C1orf116: variants seen among roughly 807,000 people sequenced by gnomAD.
C1orf116 encodes the protein chromosome 1 open reading frame 116.
A neutral mutation model predicts 14.1 loss-of-function variants in C1orf116; 12 were observed. The ratio of observed to expected loss-of-function variants is 0.85; its 90% CI spans 0.54 to 1.38. The LOEUF is 1.38. Ranked by LOEUF, C1orf116 falls within the 40% of genes most tolerant of loss-of-function variation. The probability of loss-of-function intolerance (pLI) is 0.00; values close to 1 mark genes in which losing one functional copy is unlikely to be tolerated. For synonymous variants in C1orf116, 296 were observed against 299.0 expected, an observed-to-expected ratio of 0.99 and a Z score of 0.10; for missense variants, 797 against 747.0, an observed-to-expected ratio of 1.07 and a Z score of -0.78.
Position 207,022,805 on chromosome 1 carries a change from T to G in C1orf116, c.959A>C (p.His320Pro), listed in dbSNP as rs752536090. ...AGCCTCAGTGTGGCGGGACAGCCAG[T>G]GCTGGGGGTCACTGTGGAAACTGCT... is the stretch of plus-strand genomic sequence containing the variant. ...SRSSFHSDPQ[H>P]WLSRHTEAAP... The change falls in exon 4 of 4, where the codon CAC becomes CCC. Residue 320 changes from histidine to proline, a missense_variant. Transcript: ENST00000359470. The G allele has an allele frequency of 1.4e-5, 22 of 1,613,834 alleles. No homozygotes were observed. Among genetic ancestry groups the G allele is most frequent in the South Asian group, 3.3e-5 (3 of 91,080 alleles).
chr1:207,027,288 T>G (rs1682107999), intron 2 of C1orf116, among the ~76,000 whole-genome samples: 1 of 152,194 alleles, frequency 6.6e-6, no homozygotes, highest in Non-Finnish European at 1.5e-5. Flanking sequence ...TTTGCCCAGT[T>G]GCTCTCTAAG....
At chr1:207,028,966 T>C (rs919244279) in intron 1 of C1orf116, among the ~76,000 whole-genome samples, 4 of 152,214 alleles carry the variant, frequency 2.6e-5, no homozygotes, top group Non-Finnish European at 5.9e-5. Flanking sequence ...CTAGGTAAAA[T>C]GTCCTAGAAG....
Position 207,021,916 on chromosome 1 carries a change from CT to C in C1orf116, c.*41del. ...AGGCTCCCAAGTGGAGCATGTGTCT[CT>C]TCTTGTTCAGCCAGGACAGGGTCTG... On this transcript the variant is annotated 3_prime_UTR_variant, in exon 4 of 4. Coordinates refer to ENST00000359470, the MANE Select transcript of C1orf116 (RefSeq NM_023938.6). 6.8e-7 allele frequency: 1 copy of C among 1,478,090 alleles called. No individual in the cohort carries two copies. The highest frequency in any genetic ancestry group is 9.0e-7 in the Non-Finnish European group (1 of 1,112,980). 91.6% of individuals were successfully genotyped at this position (1,478,090 alleles called of 1,614,324 possible).
At chr1:207,031,473 C>A (rs1682242903) in intron 1 of C1orf116, among the ~76,000 whole-genome samples, 1 of 152,178 alleles carries the variant, frequency 6.6e-6, no homozygotes. Flanking sequence ...GTTGCCAGGA[C>A]TGGAAAACCC....
In C1orf116 at chr1:207,021,964, C is replaced by T. The variant is rs575668369; in HGVS notation, c.1800G>A (p.Lys600=). ...TCTGTACTGGTCGCAGAGTCTACTC[C>T]TTCAACAGTCCCAGCTTCTTCAGGG... ...REALKKLGLL[K]E The change falls in exon 4 of 4, where the codon AAG becomes AAA. Residue 600 remains lysine (K), a synonymous_variant. Coordinates refer to ENST00000359470, the MANE Select transcript of C1orf116 (RefSeq NM_023938.6). 88 of 1,525,006 alleles carry T rather than the reference C, an allele frequency of 5.8e-5. 3 individuals carry two copies. In the South Asian group the frequency reaches 9.3e-4, roughly 16 times the overall value. 94.5% of individuals were successfully genotyped at this position (1,525,006 alleles called of 1,614,324 possible).
In C1orf116 at chr1:207,019,761, A is replaced by T. The variant is rs914185064; in HGVS notation, c.*2197T>A. ...AGGGAAGGGAGTCTCAGATTAAGAA[A>T]ACTGGAGAAATGGGCATGTCAGTAG... On this transcript the variant is annotated 3_prime_UTR_variant, in exon 4 of 4. Transcript: ENST00000359470. 1 of 152,240 alleles carries T rather than the reference A, an allele frequency of 6.6e-6. No homozygotes were observed. The highest frequency in any genetic ancestry group is 1.5e-5 in the Non-Finnish European group (1 of 68,048). 9.4% of individuals were successfully genotyped at this position (152,240 alleles called of 1,614,324 possible).
At chr1:207,031,112 C>T (rs1434089829) in intron 1 of C1orf116, among the ~76,000 whole-genome samples, 1 of 152,168 alleles carries the variant, frequency 6.6e-6, no homozygotes, top group African/African-American at 2.4e-5. Context: ...AAAGAGGTTT[C>T]CTGTCTTTCA....
rs762985251 is a variant in C1orf116 at position 207,023,110 on chromosome 1, G to A, written c.654C>T (p.Pro218=). 76 of 1,612,530 alleles carry A rather than the reference G, an allele frequency of 4.7e-5. 1 individual carries two copies. The East Asian group carries it at 7.1e-4, about 15-fold the overall frequency. ...QPEQCREASL[P]EGPGQQGHTP... ...TGTGGCCCTGCTGTCCTGGCCCCTC[G>A]GGCAGGCTGGCTTCCCTACACTGCT... The change falls in exon 4 of 4, where the codon CCC becomes CCT. Residue 218 remains proline (P), a synonymous_variant. Transcript: ENST00000359470.
rs1337191016 is a variant in C1orf116, at chr1:207,023,277, TC to T, written c.486del (p.Arg163GlyfsTer128). ...QASSHNPGEPGRLAPEPEKEQ... is the reference protein window; with the variant it reads ...QASSHNPGEPXRLAPEPEKEQ... ...TCTTTCTCAGGCTCTGGCGCAAGCC[TC>T]CCCGGTTCTCCAGGGTTGTGACTGC... On this transcript the variant is annotated frameshift_variant, in exon 4 of 4. Transcript: ENST00000359470. LOFTEE classifies it low-confidence loss of function (END_TRUNC). 1 of 1,614,046 alleles carries T rather than the reference TC, an allele frequency of 6.2e-7. No homozygotes were observed. Among genetic ancestry groups the T allele is most frequent in the African/African-American group, 1.3e-5 (1 of 75,064 alleles).
intron 1 of C1orf116, 143 bp from the exon 2 acceptor site, chr1:207,027,822 G>A: frequency 1.1e-6 from 1 of 952,178 alleles, no homozygotes; most frequent in Non-Finnish European, 1.5e-6. Context: ...GACACCCCCG[G>A]CCTGCATGGA....
At chr1:207,023,703 G>T (rs141454288) in intron 3 of C1orf116, among the ~76,000 whole-genome samples, 1 of 152,294 alleles carries the variant, frequency 6.6e-6, no homozygotes, top group South Asian at 2.1e-4. Context: ...AGGGCCAGGC[G>T]CAGTGTCTCA....
rs528954075 is a variant in C1orf116 at position 207,030,853 on chromosome 1, C to T, written c.-82+1726G>A. Among the ~76,000 whole-genome samples, 87 of 152,280 alleles carry T rather than the reference C, an allele frequency of 5.7e-4. 3 individuals are homozygous for T. In the South Asian group the frequency reaches 0.018, roughly 32 times the overall value. On this transcript the variant is annotated intron_variant, in intron 1 of 3. Transcript: ENST00000359470. The stretch of plus-strand genomic sequence containing the variant: ...ATGCAGCACCTATAGTCAGGGCCAC[C>T]CATCCAAAGACACATTAAATATTAA...
rs560778974 is a variant in C1orf116 at position 207,028,643 on chromosome 1, T to C, written c.-81-964A>G. Among the ~76,000 whole-genome samples, 5 of 152,210 alleles carry C rather than the reference T, an allele frequency of 3.3e-5. No homozygotes were observed. In the East Asian group the frequency reaches 9.6e-4, roughly 29 times the overall value. ...TAGCTTCCTCCCAACTCTAATTCCT[T>C]AGGGAAAAAAAGTTTCAATGTCATT... On this transcript the variant is annotated intron_variant, in intron 1 of 3. Transcript: ENST00000359470.
Position 207,022,136 on chromosome 1 carries a change from T to G in C1orf116, c.1628A>C (p.Gln543Pro). 1.2e-6 allele frequency: 2 copies of G among 1,612,934 alleles called. No homozygotes were observed. Among genetic ancestry groups the G allele is most frequent in the Non-Finnish European group, 1.7e-6 (2 of 1,179,036 alleles). The change falls in exon 4 of 4, where the codon CAG (glutamine) becomes CCG (proline). Residue 543 changes from glutamine (Q) to proline (P), a missense_variant. Coordinates refer to ENST00000359470, the MANE Select transcript of C1orf116 (RefSeq NM_023938.6). ...LGTGKDFAGIQVGKLADLEQE... is the reference protein window; with the variant it reads ...LGTGKDFAGIPVGKLADLEQE... ...CTCCAGGTCAGCCAGCTTGCCTACC[T>G]GGATACCTGCAAAATCTTTCCCCGT...
Position 207,032,659 on chromosome 1 carries a change from C to A in C1orf116, c.-162G>T, listed in dbSNP as rs1558048586. The A allele has an allele frequency of 2.0e-6, 2 of 985,434 alleles. No individual in the cohort carries two copies. The highest frequency in any genetic ancestry group is 9.4e-5 in the South Asian group (2 of 21,274). 61.0% of individuals were successfully genotyped at this position (985,434 alleles called of 1,614,324 possible). ...CAGAGATGGAGACAGAGGCTGCTTCCCCTGCCTCCTACTGTTTTCTTCTCC... is the reference window on the plus strand; with the variant it reads ...CAGAGATGGAGACAGAGGCTGCTTCACCTGCCTCCTACTGTTTTCTTCTCC... On this transcript the variant is annotated 5_prime_UTR_variant, in exon 1 of 4. Coordinates refer to ENST00000359470, the MANE Select transcript of C1orf116 (RefSeq NM_023938.6).
In C1orf116 at chr1:207,021,885, T is replaced by G; in HGVS notation, c.*73A>C. The G allele has an allele frequency of 7.0e-7, 1 of 1,434,238 alleles. No individual in the cohort carries two copies. The highest frequency in any genetic ancestry group is 1.6e-5 in the South Asian group (1 of 61,076). The allele number at this position is 1,434,238 out of a possible 1,614,324, so 88.8% of individuals were successfully genotyped here. Reference sequence around the variant, plus strand: ...TCATCTTGAGCCCTGAGTTGCGTGGTGGCAAAGGCTCCCAAGTGGAGCATG... The same window carrying G: ...TCATCTTGAGCCCTGAGTTGCGTGGGGGCAAAGGCTCCCAAGTGGAGCATG... On this transcript the variant is annotated 3_prime_UTR_variant, in exon 4 of 4. Transcript: ENST00000359470.
chr1:207,027,218 G>A (rs1483951575), intron 2 of C1orf116, among the ~76,000 whole-genome samples: 1 of 152,120 alleles, frequency 6.6e-6, no homozygotes, highest in Non-Finnish European at 1.5e-5. Context: ...CAGATTACAG[G>A]CCTACTCTCT....
In C1orf116 at chr1:207,022,618, C is replaced by A; in HGVS notation, c.1146G>T (p.Gln382His). The A allele has an allele frequency of 6.2e-7, 1 of 1,614,142 alleles. No individual in the cohort carries two copies. Among genetic ancestry groups the A allele is most frequent in the Non-Finnish European group, 8.5e-7 (1 of 1,180,028 alleles). The change falls in exon 4 of 4, where the codon CAG becomes CAT. Residue 382 changes from glutamine to histidine, a missense_variant. Coordinates refer to ENST00000359470, the MANE Select transcript of C1orf116 (RefSeq NM_023938.6). Reference protein sequence around the residue: ...SSIRPKETRAQHLSPAPGLAQ... With the variant: ...SSIRPKETRAHHLSPAPGLAQ... ...CCAGACCTGGAGCTGGGGACAGATG[C>A]TGGGCCCGTGTCTCCTTGGGTCTGA...
rs148703566 is a variant in C1orf116 at position 207,027,504 on chromosome 1, C to A, written c.95G>T (p.Arg32Leu). ...GAGAGTATTACGTACAGATCCAGAG[C>A]GGGTGGAGGTGCTGCTCATCATGCT... is the stretch of plus-strand genomic sequence containing the variant. ...CDSMMSSTST[R>L]SGSSDSSYDF... Residue 32 changes from arginine (R) to leucine (L), a missense_variant, in exon 2 of 4, where the codon CGC becomes CTC. Physicochemically the swap from Arg to Leu is moderately radical, Grantham distance 102. Transcript: ENST00000359470. The A allele has an allele frequency of 6.2e-7, 1 of 1,613,830 alleles. No individual in the cohort carries two copies. Among genetic ancestry groups the A allele is most frequent in the Non-Finnish European group, 8.5e-7 (1 of 1,180,018 alleles).
Sources: gnomAD v4.1 joint callset for allele counts (sites outside exome capture counted in the v4.1 genomes callset) on GRCh38, gnomAD v4.1.1 for gene constraint, MANE v1.5 for transcripts, NCBI Gene and HGNC (gene_info 2026-07-23, HGNC 2026-07-21) for gene names.